F10: variants seen among roughly 807,000 people sequenced by gnomAD.
F10 encodes the protein Stuart-Prower factor.
In F10, 29 loss-of-function variants were observed where a neutral mutation model predicts 37.1. That is an observed-to-expected ratio of 0.78 (90% CI 0.58 to 1.07). F10 has a LOEUF of 1.07. Among genes scored for constraint, F10 ranks in the 50% least tolerant of loss-of-function variants. The probability of loss-of-function intolerance (pLI) is 0.00; values close to 1 mark genes in which losing one functional copy is unlikely to be tolerated. For missense variants in F10, 539 were observed against 667.9 expected, an observed-to-expected ratio of 0.81 and a Z score of 2.13; for synonymous variants, 262 against 268.6, an observed-to-expected ratio of 0.98 and a Z score of 0.24.
chr13:113,147,767 G>T (rs1035007843), intron 7 of F10, among the ~76,000 whole-genome samples: 2 of 152,142 alleles, frequency 1.3e-5, no homozygotes, highest in Non-Finnish European at 2.9e-5. Flanking sequence ...TGGGTCCCGG[G>T]TCTCTGGGTC....
intron 1 of F10, among the ~76,000 whole-genome samples, chr13:113,124,865 G>A (rs2036355995): frequency 6.6e-6 from 1 of 152,230 alleles, no homozygotes; most frequent in Non-Finnish European, 1.5e-5. Context: ...CAGAGGCTGG[G>A]AGAGAGTCTG....
intron 1 of F10, among the ~76,000 whole-genome samples, chr13:113,125,778 T>G (rs989698475): frequency 6.6e-6 from 1 of 152,232 alleles, no homozygotes; most frequent in Non-Finnish European, 1.5e-5. Flanking sequence ...ATTGGTTAAG[T>G]TCCGGCCGTG....
chr13:113,128,891 A>G (rs745618931), intron 1 of F10: 72 of 151,724 alleles, frequency 4.7e-4, no homozygotes, highest in Admixed American at 1.5e-3. Context: ...AAAGAGAAAA[A>G]AAAAAAAAAA....
intron 6 of F10, among the ~76,000 whole-genome samples, chr13:113,145,565 C>T (rs568974859): frequency 2.5e-4 from 38 of 152,238 alleles, no homozygotes; most frequent in African/African-American, 8.9e-4. Flanking sequence ...TCAAGTCAAA[C>T]TAGGTGTATT....
chr13:113,144,238 C>A lies in F10; in HGVS notation c.747+143C>A, dbSNP rs2138549466. The A allele has an allele frequency of 1.6e-6, 2 of 1,278,620 alleles. No homozygotes were observed. The highest frequency in any genetic ancestry group is 2.5e-5 in the East Asian group (1 of 40,106). The allele number at this position is 1,278,620 out of a possible 1,614,324, so 79.2% of individuals were successfully genotyped here. A position where few individuals can be genotyped will look rare whatever the true frequency, so the allele number is the denominator to read the frequency against. ...GACAGAGGGGCTCCGCCACCCAAGC[C>A]TGCCTGCCTGTCCCCTCCCTCCGGG... is the stretch of plus-strand genomic sequence containing the variant. On this transcript the variant is annotated intron_variant, in intron 6 of 7. Transcript: ENST00000375559. This position sits in a 1 kb window ranked among gnomAD's most constrained non-coding sequence, Gnocchi z 6.4.
chr13:113,140,474 G>A (rs751544729), intron 4 of F10: 7 of 470,478 alleles, frequency 1.5e-5, no homozygotes, highest in East Asian at 6.9e-5. Context: ...TTCCAAGTCC[G>A]CAGTCGCCTC....
Position 113,122,915 on chromosome 13 carries a change from C to G in F10, c.60C>G (p.Leu20=). ...CCTCCCTGGCTGGCCTCCTGCTGCTCGGGGAAAGTCGTAAGTGCCCCTCGC... is the reference window on the plus strand; with the variant it reads ...CCTCCCTGGCTGGCCTCCTGCTGCTGGGGGAAAGTCGTAAGTGCCCCTCGC... The part of the protein sequence containing the change: ...LSASLAGLLL[L]GESLFIRREQ... Residue 20 remains leucine (L), a synonymous_variant, in exon 1 of 8, where the codon CTC becomes CTG. Transcript: ENST00000375559. 1 of 1,609,906 alleles carries G rather than the reference C, an allele frequency of 6.2e-7. No individual in the cohort carries two copies. Among genetic ancestry groups the G allele is most frequent in the Non-Finnish European group, 8.5e-7 (1 of 1,179,998 alleles).
In F10 at chr13:113,144,538, T is replaced by G. The variant is rs1438789712; in HGVS notation, c.747+443T>G. ...CAGCGGGCAGGAGGACGGTGCCGGG[T>G]GGGCAAGGCCTCCATCTGCTCTTCT... On this transcript the variant is annotated intron_variant, in intron 6 of 7. Coordinates refer to ENST00000375559, the MANE Select transcript of F10 (RefSeq NM_000504.4). This position sits in a 1 kb window ranked among gnomAD's most constrained non-coding sequence, Gnocchi z 6.4. Among the ~76,000 whole-genome samples, 1 of 152,248 alleles carries G rather than the reference T, an allele frequency of 6.6e-6. No homozygotes were observed. Among genetic ancestry groups the G allele is most frequent in the Non-Finnish European group, 1.5e-5 (1 of 68,038 alleles).
At chr13:113,136,442 T>C (rs1305689643) in intron 2 of F10, among the ~76,000 whole-genome samples, 1 of 149,136 alleles carries the variant, frequency 6.7e-6, no homozygotes, top group Non-Finnish European at 1.5e-5. Context: ...CTATAGCAAC[T>C]CTAGTCTTTT....
intron 1 of F10, among the ~76,000 whole-genome samples, chr13:113,124,192 G>A (rs796302731): frequency 8.5e-5 from 13 of 152,320 alleles, no homozygotes; most frequent in African/African-American, 3.1e-4. Context: ...AAGCTGCTCT[G>A]GCTTATTGGG....
Position 113,149,066 on chromosome 13 carries a change from C to CGCCT in F10, c.1025_1028dup (p.Glu345ProfsTer4). On this transcript the variant is annotated frameshift_variant, in exon 8 of 8. Coordinates refer to ENST00000375559, the MANE Select transcript of F10 (RefSeq NM_000504.4). LOFTEE classifies it low-confidence loss of function (END_TRUNC). The surrounding 1 kb of genome is among the most constrained non-coding windows in gnomAD (Gnocchi z 7.5). ...CCCATCACCTTCCGCATGAACGTGG[C>CGCCT]GCCTGCCTGCCTCCCCGAGCGTGAC... The CGCCT allele has an allele frequency of 6.2e-7, 1 of 1,613,288 alleles. No individual in the cohort carries two copies.
In F10 at chr13:113,138,549, G is replaced by C. The variant is rs149438729; in HGVS notation, c.256+68G>C. 2.6e-4 allele frequency: 266 copies of C among 1,013,246 alleles called. No individual in the cohort carries two copies. In the African/African-American group the frequency reaches 3.8e-3, roughly 14 times the overall value. The allele number at this position is 1,013,246 out of a possible 1,614,324, so 62.8% of individuals were successfully genotyped here. A position where few individuals can be genotyped will look rare whatever the true frequency, so the allele number is the denominator to read the frequency against. On this transcript the variant is annotated intron_variant, in intron 3 of 7. Transcript: ENST00000375559. ...TCAGGATATTTGAATTTTGAAAATA[G>C]TTCCTGAATTTCCTTTCTGCTTTTG...
chr13:113,140,316 G>C (rs2036515676), intron 4 of F10, among the ~76,000 whole-genome samples: 1 of 151,870 alleles, frequency 6.6e-6, no homozygotes. Context: ...CTCCTGACCT[G>C]GTGATCCGCC....
intron 1 of F10, 55 bp from the exon 2 acceptor site, chr13:113,129,397 G>GGGAGCCTGGGTGAGGA (rs1555395072): frequency 6.2e-7 from 1 of 1,605,438 alleles, no homozygotes; most frequent in Non-Finnish European, 8.5e-7. Context: ...ATAGGTGAGG[G>GGGAGCCTGGGTGAGGA]GGAGCCTGGG....
rs910702878 is a variant in F10, at chr13:113,143,274, C to A, written c.503-577C>A. On this transcript the variant is annotated intron_variant, in intron 5 of 7. Transcript: ENST00000375559. This position sits in a 1 kb window ranked among gnomAD's most constrained non-coding sequence, Gnocchi z 6.8. ...CGTTATACAAAAGGAAGCTTCCTAA[C>A]ATCTCGGCGTGGCCTCTCTGGGAGC... Among the ~76,000 whole-genome samples, 3 of 152,150 alleles carry A rather than the reference C, an allele frequency of 2.0e-5. No homozygotes were observed. Among genetic ancestry groups the A allele is most frequent in the Non-Finnish European group, 4.4e-5 (3 of 68,032 alleles).
intron 2 of F10, among the ~76,000 whole-genome samples, chr13:113,134,266 T>C (rs1449522275): frequency 1.3e-5 from 2 of 152,188 alleles, no homozygotes; most frequent in Non-Finnish European, 2.9e-5. Flanking sequence ...TCCTAAAGAA[T>C]GTGAAGGGGA....
At chr13:113,124,155 GGCCCTAAGCCCGGCCCGGGA>G (rs1181749508) in intron 1 of F10, among the ~76,000 whole-genome samples, 102 of 151,652 alleles carry the variant, frequency 6.7e-4, no homozygotes, top group African/African-American at 2.1e-3. Flanking sequence ...GGGCTCCCGA[GGCCCTAAGCCCGGCCCGGGA>G]CTCTGGAAGC....
intron 1 of F10, among the ~76,000 whole-genome samples, chr13:113,123,334 C>T (rs1029177651): frequency 3.3e-5 from 5 of 152,122 alleles, no homozygotes; most frequent in Non-Finnish European, 5.9e-5. Context: ...AGGCACAGGA[C>T]GAGGGGCACA....
chr13:113,131,893 C>T (rs567277941), intron 2 of F10: 22 of 152,434 alleles, frequency 1.4e-4, no homozygotes, highest in African/African-American at 5.0e-4. Flanking sequence ...TGGGCTTCCG[C>T]CCACAGCTGG....
Sources: allele counts gnomAD v4.1 joint callset (sites outside exome capture counted in the v4.1 genomes callset), GRCh38; gene constraint gnomAD v4.1.1; non-coding constraint Gnocchi (gnomAD v3.1); transcripts MANE v1.5; gene names NCBI Gene and HGNC (gene_info 2026-07-23, HGNC 2026-07-21).